Variants in RIMS1 observed in about 807,000 individuals in gnomAD.
RIMS1 encodes regulating synaptic membrane exocytosis 1, also known as regulating synaptic membrane exocytosis protein 1.
A neutral mutation model predicts 214.1 loss-of-function variants in RIMS1; 83 were observed. That is an observed-to-expected ratio of 0.39 (90% CI 0.32 to 0.47). RIMS1 has a LOEUF of 0.47. Ranked by LOEUF, RIMS1 falls within the 20% of genes least tolerant of loss-of-function variation. The pLI, the probability that RIMS1 is intolerant of heterozygous loss-of-function variation, is 0.99. For missense variants in RIMS1, 2,050 were observed against 2,161.8 expected (o/e 0.95, Z 1.03); for synonymous variants, 793 against 786.8 (o/e 1.01, Z -0.13).
chr6:72,169,774 C>T (rs1017122645), intron 4 of RIMS1, among the ~76,000 whole-genome samples: 4 of 152,020 alleles, frequency 2.6e-5, no homozygotes, highest in African/African-American at 9.7e-5. Flanking sequence ...ATTAGCTGAG[C>T]GTGGTGCCTG....
intron 6 of RIMS1, among the ~76,000 whole-genome samples, chr6:72,185,905 G>C (rs1471570596): frequency 6.6e-6 from 1 of 152,162 alleles, no homozygotes; most frequent in East Asian, 1.9e-4. Flanking sequence ...AAGACGACGA[G>C]GATGAAGACC....
At chr6:71,977,443 C>A (rs570546104) in intron 2 of RIMS1, among the ~76,000 whole-genome samples, 5 of 152,236 alleles carry the variant, frequency 3.3e-5, no homozygotes, top group African/African-American at 1.2e-4. Context: ...TTGCCAGGCC[C>A]TGGATATTAT....
chr6:72,045,334 AAAAT>A (rs1192629368), intron 2 of RIMS1, among the ~76,000 whole-genome samples: 1 of 151,976 alleles, frequency 6.6e-6, no homozygotes, highest in East Asian at 1.9e-4. Flanking sequence ...CCTGACATAA[AAAAT>A]AAAAGACAGA....
intron 1 of RIMS1, among the ~76,000 whole-genome samples, chr6:71,947,941 T>C (rs1359388252): frequency 6.6e-6 from 1 of 152,144 alleles, no homozygotes; most frequent in Non-Finnish European, 1.5e-5. Flanking sequence ...AGGCATTATA[T>C]TTCATAACTA....
intron 23 of RIMS1, among the ~76,000 whole-genome samples, chr6:72,278,916 A>G (rs1364627989): frequency 2.6e-5 from 4 of 152,056 alleles, no homozygotes; most frequent in Non-Finnish European, 5.9e-5. Flanking sequence ...AAGCCATGTA[A>G]GTAGTAAGCC....
intron 6 of RIMS1, among the ~76,000 whole-genome samples, chr6:72,221,732 G>T (rs1219940857): frequency 6.6e-6 from 1 of 151,756 alleles, no homozygotes; most frequent in Non-Finnish European, 1.5e-5. Context: ...ATAACATAAT[G>T]CCTTGTTTTA....
intron 27 of RIMS1, among the ~76,000 whole-genome samples, chr6:72,309,669 G>A (rs1053632410): frequency 5.3e-5 from 8 of 151,794 alleles, no homozygotes; most frequent in African/African-American, 1.9e-4. Context: ...ATTACTTTCA[G>A]ATATAGTACT....
chr6:72,361,269 C>CT (rs1238067396), intron 29 of RIMS1, among the ~76,000 whole-genome samples: 15 of 151,048 alleles, frequency 9.9e-5, no homozygotes, highest in Admixed American at 4.6e-4. Flanking sequence ...CCACGCCCTG[C>CT]TTTTTTTTGT....
chr6:72,347,178 A>G (rs1032369201), intron 29 of RIMS1, among the ~76,000 whole-genome samples: 9 of 151,926 alleles, frequency 5.9e-5, no homozygotes, highest in Middle Eastern at 3.4e-3. Context: ...TATATCTTCA[A>G]CTTTGCCCTA....
At chr6:72,147,635 A>C (rs547402611) in intron 4 of RIMS1, among the ~76,000 whole-genome samples, 1 of 152,366 alleles carries the variant, frequency 6.6e-6, no homozygotes, top group South Asian at 2.1e-4. Flanking sequence ...TGAGAAGAAA[A>C]GAATGTTTTT....
chr6:71,899,644 A>G (rs541193881), intron 1 of RIMS1, among the ~76,000 whole-genome samples: 1 of 152,126 alleles, frequency 6.6e-6, no homozygotes, highest in Admixed American at 6.6e-5. Flanking sequence ...GTATATTTGT[A>G]TGATCTAGAC....
chr6:72,383,886 A>T (rs915986593), intron 29 of RIMS1, among the ~76,000 whole-genome samples: 2 of 152,142 alleles, frequency 1.3e-5, no homozygotes, highest in African/African-American at 4.8e-5. Flanking sequence ...AATAAAAAAA[A>T]TATATTATTT....
chr6:72,185,035 G>A (rs1200287382), intron 6 of RIMS1, among the ~76,000 whole-genome samples: 1 of 152,152 alleles, frequency 6.6e-6, no homozygotes, highest in Non-Finnish European at 1.5e-5. Flanking sequence ...GAAGAACATT[G>A]CTAGTAAGGG....
At chr6:71,929,712 T>C (rs1402991699) in intron 1 of RIMS1, among the ~76,000 whole-genome samples, 1 of 151,816 alleles carries the variant, frequency 6.6e-6, no homozygotes, top group Non-Finnish European at 1.5e-5. Context: ...CCCTAAATTA[T>C]AAAAAAACAT....
At chr6:71,906,832 C>T (rs1340753939) in intron 1 of RIMS1, among the ~76,000 whole-genome samples, 1 of 152,156 alleles carries the variant, frequency 6.6e-6, no homozygotes, top group Non-Finnish European at 1.5e-5. Context: ...CTTAGCACAG[C>T]TTTTCACATG....
intron 22 of RIMS1, among the ~76,000 whole-genome samples, chr6:72,271,286 A>AAATATATATATATAT (rs1417580438): frequency 6.8e-5 from 3 of 44,410 alleles, no homozygotes; most frequent in Non-Finnish European, 1.1e-4. Context: ...AAAAAAAAAA[A>AAATATATATATATAT]ATATATATAT....
intron 2 of RIMS1, among the ~76,000 whole-genome samples, chr6:72,048,849 C>A (rs1045778556): frequency 9.9e-5 from 15 of 152,192 alleles, no homozygotes; most frequent in Admixed American, 2.6e-4. Context: ...TCTGTATAAG[C>A]CCTACCATGT....
At position 72,060,467 on chromosome 6, in the gene RIMS1, T is replaced by C. The variant is rs149715290; in HGVS notation, c.246-36482T>C. On this transcript the variant is annotated intron_variant, in intron 2 of 33. Transcript: ENST00000521978. ...ACTCTGTGATCTGACCTCCAAGGCC[T>C]TCCTGTTCTGGCCTCTACCTGTTTT... Among the ~76,000 whole-genome samples, 5 of 152,340 alleles carry C rather than the reference T, an allele frequency of 3.3e-5. No individual in the cohort carries two copies. The East Asian group carries it at 9.6e-4, about 29-fold the overall frequency.
chr6:71,999,326 T>A (rs1584516434), intron 2 of RIMS1, among the ~76,000 whole-genome samples: 1 of 152,276 alleles, frequency 6.6e-6, no homozygotes, highest in East Asian at 1.9e-4. Flanking sequence ...ATGACGATGA[T>A]CCTTGTTTTG....
Sources: allele counts gnomAD v4.1 joint callset (sites outside exome capture counted in the v4.1 genomes callset), GRCh38; gene constraint gnomAD v4.1.1; transcripts MANE v1.5; gene names NCBI Gene and HGNC (gene_info 2026-07-23, HGNC 2026-07-21).